Variants in RPS6KC1 observed in about 807,000 individuals in gnomAD.
RPS6KC1 encodes inactive ribosomal protein S6 kinase delta-1.
Under a neutral mutation model 103.8 loss-of-function variants are expected in RPS6KC1, and 54 were observed. The ratio of observed to expected loss-of-function variants is 0.52; its 90% CI spans 0.42 to 0.65. RPS6KC1 has a LOEUF of 0.65. Among genes scored for constraint, RPS6KC1 ranks in the 30% least tolerant of loss-of-function variants. The pLI is 0.00. For missense variants in RPS6KC1, 1,151 were observed against 1,253.8 expected (o/e 0.92, Z 1.24); for synonymous variants, 439 against 438.7 (o/e 1.00, Z -0.01).
chr1:213,129,122 T>C (rs1234191904), intron 5 of RPS6KC1, among the ~76,000 whole-genome samples: 2 of 152,238 alleles, frequency 1.3e-5, no homozygotes, highest in South Asian at 4.1e-4. Context: ...AAGATGCTGT[T>C]CTCAAAAACA....
At chr1:213,303,119 T>TGTATGCTGGCTCTTTGGC in the RPS6KC1 span, among the ~76,000 whole-genome samples, 1 of 152,188 alleles carries the variant, frequency 6.6e-6, no homozygotes, top group East Asian at 1.9e-4. Flanking sequence ...CAGCGTCTGG[T>TGTATGCTGGCTCTTTGGC]GTATGCTGGC....
intron 6 of RPS6KC1, among the ~76,000 whole-genome samples, chr1:213,137,581 C>T (rs1446095354): frequency 6.6e-6 from 1 of 151,352 alleles, no homozygotes; most frequent in Non-Finnish European, 1.5e-5. Context: ...GATCTGCCCA[C>T]CTTGGCCTCC....
the RPS6KC1 span, among the ~76,000 whole-genome samples, chr1:213,662,034 T>C: frequency 1.3e-5 from 2 of 152,102 alleles, no homozygotes; most frequent in Non-Finnish European, 2.9e-5. Flanking sequence ...ATTTACCAAA[T>C]CTCTTACTGG....
chr1:213,186,218 T>C (rs933330230), intron 8 of RPS6KC1, among the ~76,000 whole-genome samples: 86 of 151,984 alleles, frequency 5.7e-4, no homozygotes, highest in Non-Finnish European at 9.4e-4. Flanking sequence ...CTTTTTTTTT[T>C]CCCCTTCAAA....
At chr1:213,602,088 C>CTT in the RPS6KC1 span, among the ~76,000 whole-genome samples, 1 of 38,200 alleles carries the variant, frequency 2.6e-5, no homozygotes, top group African/African-American at 1.5e-4. Flanking sequence ...CTCTTTCTTT[C>CTT]TTTCTTTCTT....
At chr1:213,333,442 T>C in the RPS6KC1 span, among the ~76,000 whole-genome samples, 2 of 152,186 alleles carry the variant, frequency 1.3e-5, no homozygotes, top group Non-Finnish European at 2.9e-5. Context: ...TTCATGTCCA[T>C]TCCTAGAGAC....
At chr1:213,102,905 A>C (rs1262078058) in intron 3 of RPS6KC1, among the ~76,000 whole-genome samples, 1 of 152,098 alleles carries the variant, frequency 6.6e-6, no homozygotes, top group Non-Finnish European at 1.5e-5. Context: ...TCCACTGTTA[A>C]GATTTCCTGT....
At chr1:213,728,941 T>TTTTTTTTTTTTTTTTA in the RPS6KC1 span, among the ~76,000 whole-genome samples, 1 of 97,078 alleles carries the variant, frequency 1.0e-5, no homozygotes, top group Non-Finnish European at 2.0e-5. Context: ...ATGAGGGTTT[T>TTTTTTTTTTTTTTTTA]TTTTTTGTTT....
the RPS6KC1 span, among the ~76,000 whole-genome samples, chr1:213,757,609 T>C: frequency 6.6e-6 from 1 of 152,158 alleles, no homozygotes; most frequent in Admixed American, 6.5e-5. Flanking sequence ...GCAGCAAGTG[T>C]TGATGTGGAA....
chr1:213,679,968 A>G, the RPS6KC1 span, among the ~76,000 whole-genome samples: 1 of 152,244 alleles, frequency 6.6e-6, no homozygotes, highest in Admixed American at 6.5e-5. Context: ...TTTAAGGGTG[A>G]ATAATTACAC....
the RPS6KC1 span, among the ~76,000 whole-genome samples, chr1:213,474,511 G>T: frequency 6.6e-6 from 1 of 152,158 alleles, no homozygotes; most frequent in Non-Finnish European, 1.5e-5. Context: ...AAAATGAGGT[G>T]CAATTTATCA....
the RPS6KC1 span, among the ~76,000 whole-genome samples, chr1:213,856,642 TATACTC>T: frequency 2.0e-5 from 3 of 152,262 alleles, no homozygotes; most frequent in Non-Finnish European, 2.9e-5. Context: ...TTACTAAAGT[TATACTC>T]ATAGAAAATC....
chr1:213,771,864 G>A, the RPS6KC1 span, among the ~76,000 whole-genome samples: 3 of 152,166 alleles, frequency 2.0e-5, no homozygotes, highest in Non-Finnish European at 4.4e-5. Context: ...AATCTAAGAA[G>A]AAGCGAAGGT....
At chr1:213,657,030 G>A in the RPS6KC1 span, among the ~76,000 whole-genome samples, 1 of 152,298 alleles carries the variant, frequency 6.6e-6, no homozygotes, top group Middle Eastern at 3.4e-3. Flanking sequence ...CGTGTGGGCT[G>A]AAGAGAGGGA....
At chr1:213,462,663 A>G in the RPS6KC1 span, among the ~76,000 whole-genome samples, 4 of 152,182 alleles carry the variant, frequency 2.6e-5, no homozygotes, top group Non-Finnish European at 5.9e-5. Flanking sequence ...AACAGAAAAC[A>G]CTGCATTTTT....
At chr1:213,793,641 A>T in the RPS6KC1 span, among the ~76,000 whole-genome samples, 1 of 152,200 alleles carries the variant, frequency 6.6e-6, no homozygotes, top group Non-Finnish European at 1.5e-5. Flanking sequence ...TGCTCCAAGC[A>T]TGTCAGTCAA....
At chr1:213,803,933 C>T in the RPS6KC1 span, among the ~76,000 whole-genome samples, 3 of 108,128 alleles carry the variant, frequency 2.8e-5, no homozygotes, top group Non-Finnish European at 5.1e-5. Context: ...ACCCCTTTCT[C>T]GGGAAGATCA....
chr1:213,651,889 G>A, the RPS6KC1 span, among the ~76,000 whole-genome samples: 1 of 152,144 alleles, frequency 6.6e-6, no homozygotes, highest in Non-Finnish European at 1.5e-5. Flanking sequence ...CACGTGGCCT[G>A]AGCTCCTGCC....
chr1:213,755,213 G>C, the RPS6KC1 span, among the ~76,000 whole-genome samples: 1 of 152,110 alleles, frequency 6.6e-6, no homozygotes, highest in Non-Finnish European at 1.5e-5. Context: ...ATTTAGATTG[G>C]TGCAAAAGTA....
Sources: allele counts gnomAD v4.1 joint callset (sites outside exome capture counted in the v4.1 genomes callset), GRCh38; gene constraint gnomAD v4.1.1; transcripts MANE v1.5; gene names NCBI Gene and HGNC (gene_info 2026-07-23, HGNC 2026-07-21).